The following MARCHF8 variants were observed in gnomAD, a reference collection of about 807,000 sequenced individuals.
The protein encoded by MARCHF8 is E3 ubiquitin-protein ligase MARCHF8.
MARCHF8 carries 40 observed loss-of-function variants against 51.6 expected under a neutral mutation model. That is an observed-to-expected ratio of 0.77 (90% CI 0.60 to 1.01). MARCHF8 has a LOEUF of 1.01. MARCHF8 is among the 50% of genes least tolerant of loss of function. The pLI is 0.00. For synonymous variants in MARCHF8, 263 were observed against 280.3 expected (o/e 0.94, Z 0.62); for missense variants, 685 against 708.6 (o/e 0.97, Z 0.38).
At chr10:45,515,760 T>C (rs2043608294) in intron 2 of MARCHF8, among the ~76,000 whole-genome samples, 2 of 152,296 alleles carry the variant, frequency 1.3e-5, no homozygotes, top group Middle Eastern at 6.8e-3. Flanking sequence ...GATGCCGTGT[T>C]GTCTAGGGGA....
chr10:45,542,482 T>C (rs1170313956), intron 1 of MARCHF8, among the ~76,000 whole-genome samples: 1 of 150,598 alleles, frequency 6.6e-6, no homozygotes, highest in Non-Finnish European at 1.5e-5. Flanking sequence ...AATGCAGAAA[T>C]AGCGCATTTG....
At chr10:45,592,531 A>C (rs1244327772) in intron 1 of MARCHF8, among the ~76,000 whole-genome samples, 1 of 152,228 alleles carries the variant, frequency 6.6e-6, no homozygotes, top group Non-Finnish European at 1.5e-5. Context: ...AATTTCAGCA[A>C]TATTTTTAAC....
chr10:45,525,007 GTTT>G (rs1025989783), intron 2 of MARCHF8, among the ~76,000 whole-genome samples: 4 of 152,154 alleles, frequency 2.6e-5, no homozygotes, highest in Non-Finnish European at 5.9e-5. Context: ...CTTATATTAG[GTTT>G]TTATTATTTA....
intron 1 of MARCHF8, among the ~76,000 whole-genome samples, chr10:45,585,780 C>CT (rs1182680358): frequency 6.6e-6 from 1 of 151,944 alleles, no homozygotes; most frequent in East Asian, 1.9e-4. Context: ...TCTAGATAAT[C>CT]AAACTTCTAC....
Position 45,458,357 on chromosome 10 carries a change from G to T in MARCHF8, c.1604C>A (p.Ser535Tyr). 6.2e-7 allele frequency: 1 copy of T among 1,614,148 alleles called. No homozygotes were observed. The highest frequency in any genetic ancestry group is 8.5e-7 in the Non-Finnish European group (1 of 1,180,036). ...ETSKKNIFEKSPLTEPNFENK... is the reference protein window; with the variant it reads ...ETSKKNIFEKYPLTEPNFENK... ...TTCAAAGTTGGGCTCTGTTAGTGGA[G>T]ATTTTTCAAAAATATTCTTTTTGCT... Residue 535 changes from serine to tyrosine, a missense_variant, in exon 8 of 8, where the codon TCT (serine) becomes TAT (tyrosine). Ser to Tyr is a moderately radical substitution (Grantham distance 144). Transcript: ENST00000453424.
chr10:45,547,247 A>G (rs924158440), intron 1 of MARCHF8, among the ~76,000 whole-genome samples: 1 of 152,250 alleles, frequency 6.6e-6, no homozygotes, highest in African/African-American at 2.4e-5. Context: ...TAATGGAGGA[A>G]AAAACTAGAT....
chr10:45,534,942 CA>C (rs1564506992), intron 1 of MARCHF8, among the ~76,000 whole-genome samples: 1 of 151,982 alleles, frequency 6.6e-6, no homozygotes, highest in East Asian at 1.9e-4. Flanking sequence ...CAAAAAGGAA[CA>C]AAAACTGGGA....
At chr10:45,526,774 C>G (rs2043801308) in intron 2 of MARCHF8, among the ~76,000 whole-genome samples, 1 of 151,602 alleles carries the variant, frequency 6.6e-6, no homozygotes, top group South Asian at 2.1e-4. Context: ...ACAAATAGAC[C>G]TAACAGATGT....
Position 45,533,004 on chromosome 10 carries a change from T to A in MARCHF8, c.102+106A>T, listed in dbSNP as rs188118859. Reference sequence around the variant, plus strand: ...ACAACTATTTGTGTGCTTGTCAGTATATTATCAGAGAAAACCTGACCTTTA... The same window carrying A: ...ACAACTATTTGTGTGCTTGTCAGTAAATTATCAGAGAAAACCTGACCTTTA... On this transcript the variant is annotated intron_variant, in intron 2 of 7. Transcript: ENST00000453424. The A allele has an allele frequency of 9.1e-6, 7 of 767,966 alleles. No individual in the cohort carries two copies. In the Admixed American group the frequency reaches 2.2e-4, roughly 24 times the overall value. The allele number at this position is 767,966 out of a possible 1,614,324, so 47.6% of individuals were successfully genotyped here. A position where few individuals can be genotyped will look rare whatever the true frequency, so the allele number is the denominator to read the frequency against.
intron 2 of MARCHF8, among the ~76,000 whole-genome samples, chr10:45,495,427 A>C (rs1589119654): frequency 6.6e-6 from 1 of 152,202 alleles, no homozygotes; most frequent in South Asian, 2.1e-4. Context: ...ATCTCTTCTG[A>C]TCTGATGCTT....
intron 2 of MARCHF8, among the ~76,000 whole-genome samples, chr10:45,526,730 A>G (rs2043800463): frequency 6.6e-6 from 1 of 152,138 alleles, no homozygotes; most frequent in Non-Finnish European, 1.5e-5. Flanking sequence ...AAAAAGAAAA[A>G]AAAAACCCCA....
chr10:45,533,138 T>C lies in MARCHF8; in HGVS notation c.74A>G (p.Lys25Arg). Reference protein sequence around the residue: ...DAISARVYRSKTKEKEREEQN... With the variant: ...DAISARVYRSRTKEKEREEQN... ...TTCTTCCCTCTCCTTTTCTTTGGTC[T>C]TACTTCTGTAGACTCTAGCAGAGAT... is the stretch of plus-strand genomic sequence containing the variant. The change falls in exon 2 of 8, where the codon AAG (lysine) becomes AGG (arginine). Residue 25 changes from lysine to arginine, a missense_variant. Transcript: ENST00000453424. 1 of 1,611,502 alleles carries C rather than the reference T, an allele frequency of 6.2e-7. No homozygotes were observed. Among genetic ancestry groups the C allele is most frequent in the East Asian group, 2.2e-5 (1 of 44,742 alleles).
chr10:45,512,705 C>A (rs2043548831), intron 2 of MARCHF8, among the ~76,000 whole-genome samples: 1 of 151,990 alleles, frequency 6.6e-6, no homozygotes. Flanking sequence ...TGCCCGGCCA[C>A]CACCCCGTCT....
intron 2 of MARCHF8, among the ~76,000 whole-genome samples, chr10:45,491,539 G>T (rs959340897): frequency 7.2e-5 from 11 of 152,052 alleles, no homozygotes; most frequent in African/African-American, 2.7e-4. Flanking sequence ...GCAAGACTCC[G>T]TATCAACAAC....
Position 45,541,362 on chromosome 10 carries a change from T to C in MARCHF8, c.-78-8073A>G, listed in dbSNP as rs185826300. ...ACATGTTCTCACTCATAGGTGGGAA[T>C]TGAACAATGAGAACACATGGACACA... is the stretch of plus-strand genomic sequence containing the variant. On this transcript the variant is annotated intron_variant, in intron 1 of 6. Coordinates refer to the MARCHF8 transcript ENST00000319836. Among the ~76,000 whole-genome samples, 202 of 152,160 alleles carry C rather than the reference T, an allele frequency of 1.3e-3. 2 individuals carry two copies. The Middle Eastern group carries it at 0.017, about 13-fold the overall frequency.
rs1288862867 is a variant in MARCHF8 at position 45,456,542 on chromosome 10, C to G, written c.*1697G>C. On this transcript the variant is annotated 3_prime_UTR_variant, in exon 8 of 8. Coordinates refer to ENST00000453424, the MANE Select transcript of MARCHF8 (RefSeq NM_001282866.2). Reference sequence around the variant, plus strand: ...TTCAAAACAAACTCCAGGGCTTCCACTCTGAAAGGCAAAGGAATCACCTCG... The same window carrying G: ...TTCAAAACAAACTCCAGGGCTTCCAGTCTGAAAGGCAAAGGAATCACCTCG... 1 of 152,246 alleles carries G rather than the reference C, an allele frequency of 6.6e-6. No homozygotes were observed. Among genetic ancestry groups the G allele is most frequent in the Non-Finnish European group, 1.5e-5 (1 of 68,066 alleles). 9.4% of individuals were successfully genotyped at this position (152,246 alleles called of 1,614,324 possible). A position where few individuals can be genotyped will look rare whatever the true frequency, so the allele number is the denominator to read the frequency against.
chr10:45,546,010 C>T (rs148049937), intron 1 of MARCHF8, among the ~76,000 whole-genome samples: 1 of 152,250 alleles, frequency 6.6e-6, no homozygotes, highest in African/African-American at 2.4e-5. Flanking sequence ...AGAGAAACAC[C>T]ACAAGGTCTC....
At chr10:45,576,974 G>GAAAAAAAAAA (rs58593536) in intron 1 of MARCHF8, among the ~76,000 whole-genome samples, 1 of 120,410 alleles carries the variant, frequency 8.3e-6, no homozygotes, top group Non-Finnish European at 1.7e-5. Context: ...AAAGAGAAAA[G>GAAAAAAAAAA]AAAAAAAAAA....
At chr10:45,570,425 C>T (rs190813110) in intron 1 of MARCHF8, among the ~76,000 whole-genome samples, 29 of 152,260 alleles carry the variant, frequency 1.9e-4, no homozygotes, top group African/African-American at 7.0e-4. Context: ...AGTTCCATAT[C>T]CATTCCGGGT....
Sources: allele counts gnomAD v4.1 joint callset (sites outside exome capture counted in the v4.1 genomes callset), GRCh38; gene constraint gnomAD v4.1.1; transcripts MANE v1.5; gene names NCBI Gene and HGNC (gene_info 2026-07-23, HGNC 2026-07-21).